The following RNF144B variants were observed in gnomAD, a reference collection of about 807,000 sequenced individuals.
RNF144B encodes E3 ubiquitin-protein ligase RNF144B.
RNF144B carries 25 observed loss-of-function variants against 40.2 expected under a neutral mutation model. The ratio of observed to expected loss-of-function variants is 0.62; its 90% CI spans 0.45 to 0.87. RNF144B has a LOEUF of 0.87. Ranked by LOEUF, RNF144B falls within the 40% of genes least tolerant of loss-of-function variation. RNF144B has a pLI of 0.00. For synonymous variants in RNF144B, 145 were observed against 136.3 expected (o/e 1.06, Z -0.44); for missense variants, 365 against 373.7 (o/e 0.98, Z 0.19).
intron 2 of RNF144B, among the ~76,000 whole-genome samples, chr6:18,404,414 G>A (rs962180689): frequency 5.5e-4 from 83 of 152,280 alleles, no homozygotes; most frequent in African/African-American, 1.8e-3. Flanking sequence ...CCTGTAAGAC[G>A]GAGGGAGGGA....
rs1232001316 is a variant in RNF144B, at chr6:18,467,984, TTTTG to T, written c.*2921_*2924del. The T allele has an allele frequency of 6.6e-6, 1 of 152,176 alleles. No individual in the cohort carries two copies. Among genetic ancestry groups the T allele is most frequent in the African/African-American group, 2.4e-5 (1 of 41,402 alleles). 9.4% of individuals were successfully genotyped at this position (152,176 alleles called of 1,614,324 possible). On this transcript the variant is annotated 3_prime_UTR_variant, in exon 8 of 8. Coordinates refer to ENST00000259939, the MANE Select transcript of RNF144B (RefSeq NM_182757.4). ...CAACTTTGATAACAGAGGCTGCTATTTTTGTTTTAGATAATTGGCCAGTGACAGA... is the reference window on the plus strand; with the variant it reads ...CAACTTTGATAACAGAGGCTGCTATTTTTTAGATAATTGGCCAGTGACAGA...
intron 2 of RNF144B, among the ~76,000 whole-genome samples, chr6:18,407,401 A>G (rs1794934020): frequency 6.6e-6 from 1 of 152,174 alleles, no homozygotes; most frequent in African/African-American, 2.4e-5. Context: ...GGATAATAAG[A>G]AATCATCTCA....
In RNF144B at chr6:18,387,549, G is replaced by T; in HGVS notation, c.-118G>T. The stretch of plus-strand genomic sequence containing the variant: ...GAGAATGGAAGAGCTCCTGTCCGGT[G>T]TGCCAGCAGCCCGGACTGGCGGTGA... On this transcript the variant is annotated 5_prime_UTR_variant, in exon 1 of 8. Coordinates refer to ENST00000259939, the MANE Select transcript of RNF144B (RefSeq NM_182757.4). 1.5e-6 allele frequency: 2 copies of T among 1,327,556 alleles called. No homozygotes were observed. The highest frequency in any genetic ancestry group is 2.1e-5 in the Admixed American group (1 of 48,688). 82.2% of individuals were successfully genotyped at this position (1,327,556 alleles called of 1,614,324 possible). A position where few individuals can be genotyped will look rare whatever the true frequency, so the allele number is the denominator to read the frequency against.
rs1759359601 is a variant in RNF144B at position 18,457,615 on chromosome 6, G to A, written c.536+256G>A. Among the ~76,000 whole-genome samples, 1 of 152,100 alleles carries A rather than the reference G, an allele frequency of 6.6e-6. No individual in the cohort carries two copies. The highest frequency in any genetic ancestry group is 2.4e-5 in the African/African-American group (1 of 41,402). The stretch of plus-strand genomic sequence containing the variant: ...TTTTGCTTTCTCTTTAGGTAGTGAG[G>A]CACCGTGGTCTACTGGTTCTCAGTA... On this transcript the variant is annotated intron_variant, in intron 5 of 7. Coordinates refer to ENST00000259939, the MANE Select transcript of RNF144B (RefSeq NM_182757.4). This position sits in a 1 kb window ranked among gnomAD's most constrained non-coding sequence, Gnocchi z 5.1.
chr6:18,405,090 T>C lies in RNF144B; in HGVS notation c.165+5391T>C, dbSNP rs1370275475. ...ACTAAGTTCTGCCAGTTCAAAGCAC[T>C]GTATTATTCTGTTGGTTTCTGGTAC... On this transcript the variant is annotated intron_variant, in intron 2 of 7. Transcript: ENST00000259939. The surrounding 1 kb of genome is among the most constrained non-coding windows in gnomAD (Gnocchi z 4.5). Among the ~76,000 whole-genome samples, 2 of 151,958 alleles carry C rather than the reference T, an allele frequency of 1.3e-5. No homozygotes were observed. The highest frequency in any genetic ancestry group is 4.8e-5 in the African/African-American group (2 of 41,386).
intron 1 of RNF144B, among the ~76,000 whole-genome samples, chr6:18,389,842 C>G (rs1332034667): frequency 2.6e-5 from 4 of 152,206 alleles, no homozygotes; most frequent in Admixed American, 2.6e-4. Flanking sequence ...TGAAACATTT[C>G]TTTCAGGGGT....
At chr6:18,439,309 T>C (rs1362012480) in intron 3 of RNF144B, among the ~76,000 whole-genome samples, 1 of 152,200 alleles carries the variant, frequency 6.6e-6, no homozygotes, top group Non-Finnish European at 1.5e-5. Flanking sequence ...GCTAGAACTT[T>C]AATTTCAAAA....
In RNF144B at chr6:18,400,208, G is replaced by C. The variant is rs1337363662; in HGVS notation, c.165+509G>C. The stretch of plus-strand genomic sequence containing the variant: ...GAATGGCGTGAACCTGGGAGGCAGA[G>C]CTTGCAGTGAGCCGAGATCAGGCCA... On this transcript the variant is annotated intron_variant, in intron 2 of 7. Coordinates refer to ENST00000259939, the MANE Select transcript of RNF144B (RefSeq NM_182757.4). The surrounding 1 kb of genome is among the most constrained non-coding windows in gnomAD (Gnocchi z 5.6). Among the ~76,000 whole-genome samples, 2 of 151,412 alleles carry C rather than the reference G, an allele frequency of 1.3e-5. No individual in the cohort carries two copies. The highest frequency in any genetic ancestry group is 2.4e-5 in the African/African-American group (1 of 41,196).
chr6:18,421,206 C>CT (rs1470265397), intron 2 of RNF144B, among the ~76,000 whole-genome samples: 2 of 149,378 alleles, frequency 1.3e-5, no homozygotes, highest in East Asian at 4.1e-4. Context: ...GAGCTGAGAT[C>CT]GTACCACTTC....
At chr6:18,445,189 C>T (rs148255365) in intron 4 of RNF144B, among the ~76,000 whole-genome samples, 149 of 152,186 alleles carry the variant, frequency 9.8e-4, no homozygotes, top group African/African-American at 3.3e-3. Flanking sequence ...AATAAAAGTT[C>T]GTTTGATGTC....
In RNF144B at chr6:18,465,269, CTCAACGGTCCAG is replaced by C; in HGVS notation, c.*203_*214del. Reference sequence around the variant, plus strand: ...GTGTTCCTGTGTAACAAGAACTGGGCTCAACGGTCCAGCTGTTTCTATGGAGCTTTGGGGTTC... The same window carrying C: ...GTGTTCCTGTGTAACAAGAACTGGGCCTGTTTCTATGGAGCTTTGGGGTTC... On this transcript the variant is annotated 3_prime_UTR_variant, in exon 8 of 8. Transcript: ENST00000259939. 1 of 589,372 alleles carries C rather than the reference CTCAACGGTCCAG, an allele frequency of 1.7e-6. No homozygotes were observed. The highest frequency in any genetic ancestry group is 2.2e-5 in the South Asian group (1 of 46,050). 36.5% of individuals were successfully genotyped at this position (589,372 alleles called of 1,614,324 possible). A position where few individuals can be genotyped will look rare whatever the true frequency, so the allele number is the denominator to read the frequency against.
rs777947151 is a variant in RNF144B, at chr6:18,412,063, AT to A, written c.165+12372del. Among the ~76,000 whole-genome samples the A allele has an allele frequency of 2.6e-5, 4 of 152,086 alleles. No homozygotes were observed. The highest frequency in any genetic ancestry group is 2.1e-4 in the South Asian group (1 of 4,818). ...TTCTAGTTTTTGCTATTATGAATAC[AT>A]TTTTTTTACTTATATAAATGTGAAA... On this transcript the variant is annotated intron_variant, in intron 2 of 7. Coordinates refer to ENST00000259939, the MANE Select transcript of RNF144B (RefSeq NM_182757.4). The surrounding 1 kb of genome is among the most constrained non-coding windows in gnomAD (Gnocchi z 4.2).
At chr6:18,388,796 T>C (rs1794520567) in intron 1 of RNF144B, among the ~76,000 whole-genome samples, 1 of 138,768 alleles carries the variant, frequency 7.2e-6, no homozygotes, top group Admixed American at 7.1e-5. Flanking sequence ...CTTGCACACC[T>C]TTGACTGGCA....
In RNF144B at chr6:18,459,660, G is replaced by A. The variant is rs146825622; in HGVS notation, c.590G>A (p.Arg197Gln). The stretch of plus-strand genomic sequence containing the variant: ...CCCATTAAGCAGTGCCCAGTTTGCC[G>A]GGTTTATATCGAACGCAATGAAGGC... ...EAPIKQCPVCRVYIERNEGCA... is the reference protein window; with the variant it reads ...EAPIKQCPVCQVYIERNEGCA... The change falls in exon 6 of 8, where the codon CGG (arginine) becomes CAG (glutamine). Residue 197 changes from arginine to glutamine, a missense_variant. Coordinates refer to ENST00000259939, the MANE Select transcript of RNF144B (RefSeq NM_182757.4). This position sits in a 1 kb window ranked among gnomAD's most constrained non-coding sequence, Gnocchi z 4.2. 26 of 1,613,946 alleles carry A rather than the reference G, an allele frequency of 1.6e-5. No homozygotes were observed. Among genetic ancestry groups the A allele is most frequent in the Middle Eastern group, 1.6e-4 (1 of 6,082 alleles).
intron 1 of RNF144B, among the ~76,000 whole-genome samples, chr6:18,393,616 G>T (rs1430974101): frequency 6.6e-6 from 1 of 152,214 alleles, no homozygotes; most frequent in Non-Finnish European, 1.5e-5. Context: ...AGATTGCATT[G>T]AGTGGAAACT....
In RNF144B at chr6:18,458,493, A is replaced by G. The variant is rs972848091; in HGVS notation, c.537-1114A>G. 1.3e-5 allele frequency among the ~76,000 whole-genome samples: 2 copies of G among 152,318 alleles called. No homozygotes were observed. Among genetic ancestry groups the G allele is most frequent in the East Asian group, 3.9e-4 (2 of 5,172 alleles). On this transcript the variant is annotated intron_variant, in intron 5 of 7. Coordinates refer to ENST00000259939, the MANE Select transcript of RNF144B (RefSeq NM_182757.4). The surrounding 1 kb of genome is among the most constrained non-coding windows in gnomAD (Gnocchi z 4.8). ...GAGAGGAATAGAGAAGCTAATACAC[A>G]TGGCAGGCATGTGCCCTCTTAGCCG...
At chr6:18,399,721 C>G in intron 2 of RNF144B, 22 bp downstream of exon 2, 1 of 1,578,806 alleles carries the variant, frequency 6.3e-7, no homozygotes, top group Non-Finnish European at 8.7e-7. Context: ...TTGATGCTTT[C>G]ACTATGAGAA....
chr6:18,406,501 T>TGTGTG lies in RNF144B; in HGVS notation c.165+6802_165+6803insGTGTG, dbSNP rs1794912342. 3.9e-5 allele frequency among the ~76,000 whole-genome samples: 4 copies of TGTGTG among 102,688 alleles called. No homozygotes were observed. The highest frequency in any genetic ancestry group is 1.0e-4 in the Admixed American group (1 of 9,838). 67.4% of individuals were successfully genotyped at this position (102,688 alleles called of 152,430 possible). A position where few individuals can be genotyped will look rare whatever the true frequency, so the allele number is the denominator to read the frequency against. ...GTGTGTGTGTGTGTGTGTGTGTGTG[T>TGTGTG]AGGGGGAGTAGTAGGAGATGAAGGC... On this transcript the variant is annotated intron_variant, in intron 2 of 7. Transcript: ENST00000259939. The surrounding 1 kb of genome is among the most constrained non-coding windows in gnomAD (Gnocchi z 4.2).
In RNF144B at chr6:18,457,225, G is replaced by A. The variant is rs781280634; in HGVS notation, c.402G>A (p.Ser134=). Residue 134 remains serine (S), a synonymous_variant, in exon 5 of 8, where the codon TCG becomes TCA. Coordinates refer to ENST00000259939, the MANE Select transcript of RNF144B (RefSeq NM_182757.4). The surrounding 1 kb of genome is among the most constrained non-coding windows in gnomAD (Gnocchi z 5.1). The part of the protein sequence containing the change: ...ADCQTVCPVA[S]SDPGQPVLVE... Reference sequence around the variant, plus strand: ...GTCAGACAGTGTGCCCTGTTGCCTCGAGTGACCCAGGACAGCCTGTGCTGG... The same window carrying A: ...GTCAGACAGTGTGCCCTGTTGCCTCAAGTGACCCAGGACAGCCTGTGCTGG... The A allele has an allele frequency of 2.7e-5, 44 of 1,613,894 alleles. No individual in the cohort carries two copies. In the African/African-American group the frequency reaches 4.5e-4, roughly 17 times the overall value.
Sources: gnomAD v4.1 joint callset for allele counts (sites outside exome capture counted in the v4.1 genomes callset) on GRCh38, gnomAD v4.1.1 for gene constraint, Gnocchi (gnomAD v3.1) non-coding constraint, MANE v1.5 for transcripts, NCBI Gene and HGNC (gene_info 2026-07-23, HGNC 2026-07-21) for gene names.